Variants in LRP1B observed in about 807,000 individuals in gnomAD.
LRP1B encodes the protein low-density lipoprotein receptor-related protein 1B.
LRP1B carries 217 observed loss-of-function variants against 556.6 expected under a neutral mutation model. The ratio of observed to expected loss-of-function variants is 0.39; its 90% CI spans 0.35 to 0.44. The LOEUF (loss-of-function observed/expected upper bound fraction) is 0.44. LRP1B is among the 20% of genes least tolerant of loss of function. The probability of loss-of-function intolerance (pLI) is 1.00; values close to 1 mark genes in which losing one functional copy is unlikely to be tolerated. For missense variants in LRP1B, 5,053 were observed against 5,620.8 expected, an observed-to-expected ratio of 0.90 and a Z score of 3.23; for synonymous variants, 2,047 against 1,865.8, an observed-to-expected ratio of 1.10 and a Z score of -2.50.
intron 25 of LRP1B, among the ~76,000 whole-genome samples, chr2:140,879,322 G>A (rs546783336): frequency 5.3e-5 from 8 of 152,198 alleles, no homozygotes; most frequent in South Asian, 4.1e-4. Flanking sequence ...ACTCTGAAAC[G>A]TTTTTCTAGT....
intron 66 of LRP1B, among the ~76,000 whole-genome samples, chr2:140,439,907 T>C (rs981480289): frequency 2.0e-5 from 3 of 152,144 alleles, no homozygotes; most frequent in Non-Finnish European, 4.4e-5. Context: ...ATGATTATTT[T>C]AATTCCCCCC....
Position 140,485,407 on chromosome 2 carries a change from G to A in LRP1B, c.9361C>T (p.Pro3121Ser), listed in dbSNP as rs751233954. Residue 3121 changes from proline (P) to serine (S), a missense_variant, in exon 59 of 91, where the codon CCT becomes TCT. By Grantham distance (74) the Pro-to-Ser change is moderately conservative. Around this residue, in one of 5 missense-constraint regions of LRP1B, gnomAD observed 3,619 missense variants for 3,931.9 expected, o/e 0.92. Transcript: ENST00000389484. ...IEVSKLNGLY[P>S]TILVSKRLKF... ...AGCCTTTTGCTAACGAGTATAGTAG[G>A]GTACAAGCCATTGAGTTTGGATACT... is the stretch of plus-strand genomic sequence containing the variant. 1.9e-6 allele frequency: 3 copies of A among 1,613,786 alleles called. No individual in the cohort carries two copies. The highest frequency in any genetic ancestry group is 1.7e-6 in the Non-Finnish European group (2 of 1,179,812).
At chr2:141,449,070 T>A (rs1208489930) in intron 3 of LRP1B, among the ~76,000 whole-genome samples, 1 of 152,232 alleles carries the variant, frequency 6.6e-6, no homozygotes, top group Non-Finnish European at 1.5e-5. Context: ...TTAACAAAAC[T>A]ATGTGAAATC....
At chr2:141,966,239 C>T (rs1372811864) in intron 1 of LRP1B, among the ~76,000 whole-genome samples, 2 of 151,816 alleles carry the variant, frequency 1.3e-5, no homozygotes, top group Non-Finnish European at 2.9e-5. Context: ...AAGAGGGAAA[C>T]TAGAGAGTCG....
intron 2 of LRP1B, among the ~76,000 whole-genome samples, chr2:141,491,603 T>C (rs1338246784): frequency 6.6e-6 from 1 of 152,104 alleles, no homozygotes; most frequent in African/African-American, 2.4e-5. Context: ...AAAAGACTAA[T>C]GTCTGACAGG....
chr2:142,001,056 T>A (rs1401452574), intron 1 of LRP1B, among the ~76,000 whole-genome samples: 1 of 152,154 alleles, frequency 6.6e-6, no homozygotes, highest in Non-Finnish European at 1.5e-5. Flanking sequence ...GGTTTCCCCT[T>A]TTGCTTGGCT....
At chr2:140,738,371 T>C (rs935877777) in intron 35 of LRP1B, among the ~76,000 whole-genome samples, 20 of 152,104 alleles carry the variant, frequency 1.3e-4, no homozygotes, top group African/African-American at 4.8e-4. Context: ...ATGGAGGAGC[T>C]ATTTCTCAAA....
chr2:141,390,940 G>C (rs1376048667), intron 3 of LRP1B, among the ~76,000 whole-genome samples: 1 of 151,858 alleles, frequency 6.6e-6, no homozygotes, highest in Non-Finnish European at 1.5e-5. Flanking sequence ...AAAGAAATAT[G>C]ACATCACATC....
At chr2:140,466,003 A>T (rs1332268761) in intron 60 of LRP1B, among the ~76,000 whole-genome samples, 1 of 151,240 alleles carries the variant, frequency 6.6e-6, no homozygotes, top group Non-Finnish European at 1.5e-5. Flanking sequence ...GAATGATAGA[A>T]TTTTTTTTTC....
chr2:141,629,850 G>A (rs1688844294), intron 2 of LRP1B, among the ~76,000 whole-genome samples: 1 of 151,952 alleles, frequency 6.6e-6, no homozygotes, highest in Non-Finnish European at 1.5e-5. Flanking sequence ...TATGACCCTA[G>A]CAGAGAATAG....
At chr2:141,980,595 G>A (rs1315740054) in intron 1 of LRP1B, among the ~76,000 whole-genome samples, 1 of 152,080 alleles carries the variant, frequency 6.6e-6, no homozygotes, top group Admixed American at 6.6e-5. Context: ...TGGGAATTAT[G>A]AAATTCAAAA....
intron 23 of LRP1B, among the ~76,000 whole-genome samples, chr2:140,891,432 T>C (rs1471148437): frequency 6.6e-6 from 1 of 152,122 alleles, no homozygotes; most frequent in Non-Finnish European, 1.5e-5. Context: ...TTCTTTACCA[T>C]ATATATGATA....
chr2:141,358,052 T>C (rs959824176), intron 3 of LRP1B, among the ~76,000 whole-genome samples: 1 of 152,216 alleles, frequency 6.6e-6, no homozygotes, highest in African/African-American at 2.4e-5. Flanking sequence ...CAGAATGTAT[T>C]GTTTTATACT....
intron 3 of LRP1B, among the ~76,000 whole-genome samples, chr2:141,293,092 G>A (rs1374583138): frequency 1.3e-5 from 2 of 152,070 alleles, no homozygotes; most frequent in Non-Finnish European, 2.9e-5. Flanking sequence ...TTTTTTAAAA[G>A]GATGTCTCTA....
chr2:140,416,493 A>T (rs1449351526), intron 66 of LRP1B, among the ~76,000 whole-genome samples: 5 of 151,864 alleles, frequency 3.3e-5, no homozygotes, highest in African/African-American at 1.2e-4. Context: ...TGTCTCTACA[A>T]AAAAATACAA....
chr2:141,987,344 T>C (rs1300375822), intron 1 of LRP1B, among the ~76,000 whole-genome samples: 1 of 151,948 alleles, frequency 6.6e-6, no homozygotes, highest in African/African-American at 2.4e-5. Context: ...GTTCTCCTAA[T>C]GTGGTGTTAC....
At chr2:141,423,645 G>A (rs189494285) in intron 3 of LRP1B, among the ~76,000 whole-genome samples, 18 of 152,044 alleles carry the variant, frequency 1.2e-4, no homozygotes, top group African/African-American at 2.9e-4. Flanking sequence ...ACAATAAAAC[G>A]CTCTCCTGCC....
At chr2:141,551,130 A>G (rs1401430400) in intron 2 of LRP1B, among the ~76,000 whole-genome samples, 2 of 152,072 alleles carry the variant, frequency 1.3e-5, no homozygotes, top group Non-Finnish European at 2.9e-5. Flanking sequence ...TGCAAAGATT[A>G]TATAAATATT....
At chr2:140,873,224 A>G (rs373639701) in intron 25 of LRP1B, among the ~76,000 whole-genome samples, 2 of 152,156 alleles carry the variant, frequency 1.3e-5, no homozygotes, top group African/African-American at 4.8e-5. Context: ...AAAATTTGCC[A>G]TAGGGGTTAC....
Sources: gnomAD v4.1 joint callset for allele counts (sites outside exome capture counted in the v4.1 genomes callset) on GRCh38, gnomAD v4.1.1 for gene constraint, gnomAD v4.1.1 regional missense constraint, MANE v1.5 for transcripts, NCBI Gene and HGNC (gene_info 2026-07-23, HGNC 2026-07-21) for gene names.